The following KEL variants were observed in gnomAD, a reference collection of about 807,000 sequenced individuals.
KEL encodes the protein Kell metallo-endopeptidase (Kell blood group).
In KEL, 96 loss-of-function variants were observed where a neutral mutation model predicts 99.5. The observed-to-expected ratio is 0.97, with a 90% CI of 0.82 to 1.14. The LOEUF is 1.14. Ranked by LOEUF, KEL falls within the 50% of genes most tolerant of loss-of-function variation. KEL has a pLI of 0.00. For missense variants in KEL, 926 were observed against 924.2 expected (o/e 1.00, Z -0.03); for synonymous variants, 355 against 354.8 (o/e 1.00, Z -0.01).
At chr7:142,955,913 C>T (rs1322674734) in intron 6 of KEL, among the ~76,000 whole-genome samples, 1 of 152,122 alleles carries the variant, frequency 6.6e-6, no homozygotes, top group Non-Finnish European at 1.5e-5. Flanking sequence ...AGGGTGTCTT[C>T]TCATTCCTTC....
intron 18 of KEL, 163 bp downstream of exon 18, chr7:142,942,271 C>A: frequency 1.6e-6 from 1 of 639,510 alleles, no homozygotes; most frequent in South Asian, 1.8e-5. Context: ...AGGGGTGATT[C>A]CAAGGGGTAG....
Position 142,941,303 on chromosome 7 carries a change from G to C in KEL, c.2148C>G (p.Arg716=). Residue 716 remains arginine (R), a synonymous_variant, in exon 19 of 19, where the codon CGC becomes CGG. Transcript: ENST00000355265. ...GGTTCAAGAGAGCACCACGTGCACA[G>C]CGGAAATACCTGGCAAAGGCTGGGG... The part of the protein sequence containing the change: ...SSTPAFARYF[R]CARGALLNPS... 6.2e-7 allele frequency: 1 copy of C among 1,614,124 alleles called. No individual in the cohort carries two copies. Among genetic ancestry groups the C allele is most frequent in the Non-Finnish European group, 8.5e-7 (1 of 1,180,032 alleles).
At chr7:142,955,096 G>T (rs1190879588) in intron 6 of KEL, among the ~76,000 whole-genome samples, 1 of 152,042 alleles carries the variant, frequency 6.6e-6, no homozygotes, top group African/African-American at 2.4e-5. Context: ...TGCATTGTTG[G>T]GTGGAGCTCT....
chr7:142,960,801 G>T, intron 4 of KEL, 127 bp downstream of exon 4: 1 of 1,009,698 alleles, frequency 9.9e-7, no homozygotes, highest in Non-Finnish European at 1.6e-6. Flanking sequence ...TCATCCACCC[G>T]TATAATCCCA....
In KEL at chr7:142,944,464, C is replaced by T. The variant is rs8176030; in HGVS notation, c.1414-64G>A. ...AGTCTACCAGAGGAAATTTCTCCCA[C>T]TCGTTGCCCTGTCCCAGCCTCTCAC... On this transcript the variant is annotated intron_variant, in intron 12 of 18. Transcript: ENST00000355265. The T allele has an allele frequency of 3.7e-3, 5,187 of 1,386,166 alleles. 43 individuals are homozygous for T. Among genetic ancestry groups the T allele is most frequent in the African/African-American group, 0.029 (2,061 of 70,586 alleles). 85.9% of individuals were successfully genotyped at this position (1,386,166 alleles called of 1,614,324 possible). A position where few individuals can be genotyped will look rare whatever the true frequency, so the allele number is the denominator to read the frequency against.
intron 11 of KEL, chr7:142,945,937 C>T (rs989051430): frequency 6.3e-5 from 34 of 539,156 alleles, no homozygotes; most frequent in Non-Finnish European, 1.1e-4. Context: ...TCGATTTTCT[C>T]ATTTGATGGT....
At chr7:142,946,449 T>C (rs1174674614) in intron 10 of KEL, 132 bp from the exon 11 acceptor site, 1 of 744,864 alleles carries the variant, frequency 1.3e-6, no homozygotes, top group African/African-American at 1.7e-5. Context: ...ATCTGTTTAC[T>C]ATCCCTTAGG....
At chr7:142,946,579 G>A in intron 10 of KEL, 3 of 551,448 alleles carry the variant, frequency 5.4e-6, no homozygotes, top group Non-Finnish European at 9.8e-6. Context: ...AGGCCTCTAG[G>A]AGGCATCATC....
At chr7:142,955,336 T>C (rs983353093) in intron 6 of KEL, among the ~76,000 whole-genome samples, 1 of 152,192 alleles carries the variant, frequency 6.6e-6, no homozygotes, top group Admixed American at 6.5e-5. Flanking sequence ...CATGATGTGT[T>C]CAAGAAAAGT....
chr7:142,944,352 G>C lies in KEL; in HGVS notation c.1462C>G (p.Pro488Ala). The C allele has an allele frequency of 1.2e-6, 2 of 1,614,058 alleles. No homozygotes were observed. The highest frequency in any genetic ancestry group is 1.7e-6 in the Non-Finnish European group (2 of 1,179,930). Residue 488 changes from proline to alanine, a missense_variant, in exon 13 of 19, where the codon CCA becomes GCA. Transcript: ENST00000355265. ...EMGASEWALK[P>A]ELARQEYNDI... ...TTGTATTCTTGTCGGGCCAGCTCTG[G>C]CTTCAGGGCCCATTCTGAAGCCCCC...
At chr7:142,955,722 A>G (rs541223366) in intron 6 of KEL, among the ~76,000 whole-genome samples, 5 of 152,188 alleles carry the variant, frequency 3.3e-5, no homozygotes, top group African/African-American at 1.2e-4. Context: ...CTTGAGCCAT[A>G]TACTTTTCCT....
In KEL at chr7:142,962,285, AC is replaced by A; in HGVS notation, c.-80del. The A allele has an allele frequency of 1.3e-6, 2 of 1,517,418 alleles. No individual in the cohort carries two copies. Among genetic ancestry groups the A allele is most frequent in the Non-Finnish European group, 1.8e-6 (2 of 1,093,480 alleles). 94.0% of individuals were successfully genotyped at this position (1,517,418 alleles called of 1,614,324 possible). A position where few individuals can be genotyped will look rare whatever the true frequency, so the allele number is the denominator to read the frequency against. ...TTCGGAGGACTGGGGTCCAGGAAAC[AC>A]CCCCCGCCCCAGTTCCTTGATCCTG... On this transcript the variant is annotated 5_prime_UTR_variant, in exon 1 of 19. Coordinates refer to ENST00000355265, the MANE Select transcript of KEL (RefSeq NM_000420.3).
chr7:142,958,508 G>A (rs1234206818), intron 4 of KEL, 80 bp from the exon 5 acceptor site: 3 of 1,356,192 alleles, frequency 2.2e-6, no homozygotes, highest in East Asian at 4.7e-5. Context: ...GGGGTCTGGG[G>A]AGTCATGCCC....
chr7:142,942,788 T>C (rs1796396971), intron 17 of KEL, 87 bp downstream of exon 17: 9 of 1,511,552 alleles, frequency 6.0e-6, no homozygotes, highest in East Asian at 2.3e-5. Context: ...CAACTGTACT[T>C]GTGTCAGGAA....
At chr7:142,944,021 A>C in intron 13 of KEL, 138 bp from the exon 14 acceptor site, 3 of 750,182 alleles carry the variant, frequency 4.0e-6, no homozygotes, top group Non-Finnish European at 7.1e-6. Flanking sequence ...AGAGCAGCCC[A>C]ATGGCATCAC....
Position 142,941,303 on chromosome 7 carries a change from G to T in KEL, c.2148C>A (p.Arg716=). The T allele has an allele frequency of 6.2e-7, 1 of 1,614,124 alleles. No homozygotes were observed. The part of the protein sequence containing the change: ...SSTPAFARYF[R]CARGALLNPS... ...GGTTCAAGAGAGCACCACGTGCACAGCGGAAATACCTGGCAAAGGCTGGGG... is the reference window on the plus strand; with the variant it reads ...GGTTCAAGAGAGCACCACGTGCACATCGGAAATACCTGGCAAAGGCTGGGG... The change falls in exon 19 of 19, where the codon CGC becomes CGA. Residue 716 remains arginine (R), a synonymous_variant. Transcript: ENST00000355265.
chr7:142,956,203 C>T (rs1166316991), intron 6 of KEL, among the ~76,000 whole-genome samples: 1 of 152,192 alleles, frequency 6.6e-6, no homozygotes, highest in Non-Finnish European at 1.5e-5. Flanking sequence ...TATATCCAAT[C>T]AGTCACCAAA....
At chr7:142,962,166 C>A in intron 1 of KEL, 38 bp downstream of exon 1, 1 of 1,614,060 alleles carries the variant, frequency 6.2e-7, no homozygotes, top group Non-Finnish European at 8.5e-7. Context: ...CACCCTCACC[C>A]CTCCCCGCTA....
chr7:142,958,452 G>C, intron 4 of KEL, 24 bp from the exon 5 acceptor site: 2 of 1,612,538 alleles, frequency 1.2e-6, no homozygotes, highest in South Asian at 2.2e-5. Flanking sequence ...ATGGGAGTGA[G>C]GACTAAACTC....
Sources: gnomAD v4.1 joint callset for allele counts (sites outside exome capture counted in the v4.1 genomes callset) on GRCh38, gnomAD v4.1.1 for gene constraint, MANE v1.5 for transcripts, NCBI Gene and HGNC (gene_info 2026-07-23, HGNC 2026-07-21) for gene names.